ACOT7: variants seen among roughly 807,000 people sequenced by gnomAD.
The protein encoded by ACOT7 is acyl-CoA thioesterase 7, also known as cytosolic acyl coenzyme A thioester hydrolase.
Under a neutral mutation model 40.2 loss-of-function variants are expected in ACOT7, and 12 were observed. The observed-to-expected ratio is 0.30, with a 90% CI of 0.19 to 0.48. ACOT7 has a LOEUF of 0.48. Ranked by LOEUF, ACOT7 falls within the 20% of genes least tolerant of loss-of-function variation. The pLI is 0.99. For missense variants in ACOT7, 395 were observed against 530.8 expected, an observed-to-expected ratio of 0.74 and a Z score of 2.51; for synonymous variants, 228 against 219.5, an observed-to-expected ratio of 1.04 and a Z score of -0.34.
intron 3 of ACOT7, among the ~76,000 whole-genome samples, chr1:6,339,046 G>A (rs577630337): frequency 2.0e-5 from 3 of 152,260 alleles, no homozygotes; most frequent in South Asian, 2.1e-4. Context: ...ACCTCCCTAC[G>A]CTTGAGGAGG....
intron 5 of ACOT7, among the ~76,000 whole-genome samples, chr1:6,319,665 CCCTGCCTCAGACAAGTTCAAGTG>C (rs1437550451): frequency 6.6e-6 from 1 of 152,224 alleles, no homozygotes; most frequent in Non-Finnish European, 1.5e-5. Context: ...ACAAAATTAG[CCCTGCCTCAGACAAGTTCAAGTG>C]CCTGCCTCAT....
intron 2 of ACOT7, among the ~76,000 whole-genome samples, chr1:6,342,426 T>C (rs951656784): frequency 6.6e-6 from 1 of 152,112 alleles, no homozygotes; most frequent in African/African-American, 2.4e-5. Context: ...TCCTTTCCAG[T>C]GACTTCCTTT....
Position 6,306,749 on chromosome 1 carries a change from T to C in ACOT7, c.712+11743A>G. On this transcript the variant is annotated intron_variant, in intron 6 of 8. Transcript: ENST00000361521. This position sits in a 1 kb window ranked among gnomAD's most constrained non-coding sequence, Gnocchi z 4.3. ...AACAGCTCTTCGTCCACCTTTTTCC[T>C]TCCTTGCCCCAACACTGAGGGTCTG... 3 of 1,258,696 alleles carry C rather than the reference T, an allele frequency of 2.4e-6. No individual in the cohort carries two copies. The highest frequency in any genetic ancestry group is 3.1e-6 in the Non-Finnish European group (3 of 969,806). The allele number at this position is 1,258,696 out of a possible 1,614,324, so 78.0% of individuals were successfully genotyped here. A position where few individuals can be genotyped will look rare whatever the true frequency, so the allele number is the denominator to read the frequency against.
At chr1:6,348,765 GCC>G (rs930040156) in intron 2 of ACOT7, among the ~76,000 whole-genome samples, 1 of 152,210 alleles carries the variant, frequency 6.6e-6, no homozygotes, top group Non-Finnish European at 1.5e-5. Context: ...AGTTCCGGCA[GCC>G]CAGGCTGACA....
chr1:6,391,693 G>C (rs752447056), intron 1 of ACOT7, among the ~76,000 whole-genome samples: 2 of 152,162 alleles, frequency 1.3e-5, no homozygotes, highest in Non-Finnish European at 1.5e-5. Flanking sequence ...GACTTGGGCA[G>C]GGGCTGTCCC....
Position 6,316,464 on chromosome 1 carries a change from C to T in ACOT7, c.712+2028G>A, listed in dbSNP as rs117129189. Among the ~76,000 whole-genome samples the T allele has an allele frequency of 9.9e-3, 1,509 of 152,192 alleles. 16 individuals carry two copies. The highest frequency in any genetic ancestry group is 0.041 in the Middle Eastern group (12 of 294). On this transcript the variant is annotated intron_variant, in intron 6 of 8. Transcript: ENST00000361521. The stretch of plus-strand genomic sequence containing the variant: ...GTGCAGCCACCACTGAGTGGGAAGA[C>T]GAAAACAATCATGAAGTAGGAAAAA...
chr1:6,313,584 C>A (rs1246766541), intron 6 of ACOT7, among the ~76,000 whole-genome samples: 6 of 152,234 alleles, frequency 3.9e-5, no homozygotes, highest in African/African-American at 1.4e-4. Flanking sequence ...CACTCACCCA[C>A]CCACAGATGT....
intron 5 of ACOT7, among the ~76,000 whole-genome samples, chr1:6,326,323 A>G (rs1640797853): frequency 6.6e-6 from 1 of 152,174 alleles, no homozygotes; most frequent in Non-Finnish European, 1.5e-5. Flanking sequence ...CCTGCCCTGA[A>G]TTGTTTCTAG....
At position 6,359,846 on chromosome 1, in the gene ACOT7, C is replaced by T. The variant is rs1006251169; in HGVS notation, c.144-9980G>A. Among the ~76,000 whole-genome samples the T allele has an allele frequency of 1.3e-5, 2 of 152,204 alleles. No homozygotes were observed. Among genetic ancestry groups the T allele is most frequent in the Non-Finnish European group, 2.9e-5 (2 of 68,040 alleles). On this transcript the variant is annotated intron_variant, in intron 1 of 8. Coordinates refer to ENST00000361521, the MANE Select transcript of ACOT7 (RefSeq NM_007274.4). This position sits in a 1 kb window ranked among gnomAD's most constrained non-coding sequence, Gnocchi z 4.1. Reference sequence around the variant, plus strand: ...ACAGCCTCAACCAGGCTGCACCCGCCGGCCTCTGGGCAAGTTTCACATGTT... The same window carrying T: ...ACAGCCTCAACCAGGCTGCACCCGCTGGCCTCTGGGCAAGTTTCACATGTT...
chr1:6,271,702 G>A (rs1042378109), intron 8 of ACOT7, among the ~76,000 whole-genome samples: 1 of 152,210 alleles, frequency 6.6e-6, no homozygotes, highest in Non-Finnish European at 1.5e-5. Context: ...ACCCAGGACT[G>A]CACCAGCCTC....
chr1:6,363,603 G>GTC (rs543100762), intron 1 of ACOT7, among the ~76,000 whole-genome samples: 406 of 151,900 alleles, frequency 2.7e-3, no homozygotes, highest in South Asian at 4.6e-3. Flanking sequence ...GGCGTAAGCT[G>GTC]TCTCTCTCTC....
chr1:6,265,239 C>T (rs566813809), intron 8 of ACOT7, among the ~76,000 whole-genome samples: 3 of 137,426 alleles, frequency 2.2e-5, no homozygotes, highest in Admixed American at 6.9e-5. Context: ...CAGCTGCACA[C>T]GGTCACTGCC....
At chr1:6,380,387 C>G (rs969380112) in intron 1 of ACOT7, among the ~76,000 whole-genome samples, 1 of 151,390 alleles carries the variant, frequency 6.6e-6, no homozygotes, top group African/African-American at 2.4e-5. Flanking sequence ...ATCACGAGGT[C>G]AGGAGTTCAA....
intron 1 of ACOT7, among the ~76,000 whole-genome samples, chr1:6,368,761 C>T (rs541885372): frequency 6.6e-6 from 1 of 152,304 alleles, no homozygotes; most frequent in South Asian, 2.1e-4. Context: ...AGGATGGGGG[C>T]GGTGCAGTCA....
chr1:6,374,501 G>GT (rs1018181323), intron 1 of ACOT7, among the ~76,000 whole-genome samples: 37 of 152,358 alleles, frequency 2.4e-4, no homozygotes, highest in Admixed American at 1.3e-3. Context: ...GCTCCACAGC[G>GT]TGGGGGCCAA....
intron 1 of ACOT7, chr1:6,385,859 A>G: frequency 7.1e-7 from 1 of 1,399,230 alleles, no homozygotes; most frequent in Non-Finnish European, 9.3e-7. Context: ...CGGCTTCCGG[A>G]ACTGGATCAC....
chr1:6,293,052 G>T (rs1224106413), intron 7 of ACOT7, among the ~76,000 whole-genome samples: 1 of 151,988 alleles, frequency 6.6e-6, no homozygotes, highest in Non-Finnish European at 1.5e-5. Flanking sequence ...ACCACGCCTG[G>T]CTAATTTTTT....
chr1:6,375,560 T>C (rs1465647278), intron 1 of ACOT7, among the ~76,000 whole-genome samples: 3 of 151,694 alleles, frequency 2.0e-5, no homozygotes, highest in Non-Finnish European at 4.4e-5. Context: ...TTCCAGCCCT[T>C]TGGGAGGCTA....
intron 6 of ACOT7, among the ~76,000 whole-genome samples, chr1:6,300,309 T>C (rs1485004264): frequency 6.6e-6 from 1 of 152,146 alleles, no homozygotes; most frequent in African/African-American, 2.4e-5. Flanking sequence ...AGCTGGATGC[T>C]GAGGGCAGCG....
Sources: allele counts gnomAD v4.1 joint callset (sites outside exome capture counted in the v4.1 genomes callset), GRCh38; gene constraint gnomAD v4.1.1; non-coding constraint Gnocchi (gnomAD v3.1); transcripts MANE v1.5; gene names NCBI Gene and HGNC (gene_info 2026-07-23, HGNC 2026-07-21).